The following EPSTI1 variants were observed in gnomAD, a reference collection of about 807,000 sequenced individuals.
The protein encoded by EPSTI1 is epithelial-stromal interaction protein 1.
In EPSTI1, 66 loss-of-function variants were observed where a neutral mutation model predicts 49.9. The ratio of observed to expected loss-of-function variants is 1.32; its 90% confidence interval spans 1.08 to 1.62. The LOEUF (loss-of-function observed/expected upper bound fraction) is 1.62, where lower values mean the gene tolerates loss of function less well. Among genes scored for constraint, EPSTI1 ranks in the 40% most tolerant of loss-of-function variants. The pLI, the probability that EPSTI1 is intolerant of heterozygous loss-of-function variation, is 0.00. For synonymous variants in EPSTI1, 137 were observed against 130.7 expected, an observed-to-expected ratio of 1.05 and a Z score of -0.33; for missense variants, 394 against 365.5, an observed-to-expected ratio of 1.08 and a Z score of -0.64.
intron 6 of EPSTI1, among the ~76,000 whole-genome samples, chr13:42,930,380 AAAG>A (rs1173960926): frequency 6.6e-6 from 1 of 152,238 alleles, no homozygotes; most frequent in African/African-American, 2.4e-5. Flanking sequence ...AGGACAATCT[AAAG>A]AAGTATTATT....
At chr13:42,900,612 G>A (rs1314777786) in intron 8 of EPSTI1, among the ~76,000 whole-genome samples, 1 of 151,550 alleles carries the variant, frequency 6.6e-6, no homozygotes, top group Non-Finnish European at 1.5e-5. Flanking sequence ...TAGATTAAAA[G>A]CCAGTGTGCA....
rs762512505 is a variant in EPSTI1, at chr13:42,922,719, T to A, written c.657+3617A>T. 1.3e-5 allele frequency among the ~76,000 whole-genome samples: 2 copies of A among 152,094 alleles called. No homozygotes were observed. Among genetic ancestry groups the A allele is most frequent in the African/African-American group, 4.8e-5 (2 of 41,408 alleles). ...GCAAAGGGACACATGTTAAGTACTTTATTTGACTTCTTAATGAATGAGCAT... is the reference window on the plus strand; with the variant it reads ...GCAAAGGGACACATGTTAAGTACTTAATTTGACTTCTTAATGAATGAGCAT... On this transcript the variant is annotated intron_variant, in intron 7 of 10. Transcript: ENST00000313624. This position sits in a 1 kb window ranked among gnomAD's most constrained non-coding sequence, Gnocchi z 4.8.
chr13:42,929,137 T>A lies in EPSTI1; in HGVS notation c.564-2708A>T, dbSNP rs576615791. Reference sequence around the variant, plus strand: ...AGCTCCTGGCATCCAGGAACTGATCTGATGCTCACGTCTAAATCTCAGTGT... The same window carrying A: ...AGCTCCTGGCATCCAGGAACTGATCAGATGCTCACGTCTAAATCTCAGTGT... On this transcript the variant is annotated intron_variant, in intron 6 of 10. Transcript: ENST00000313624. 6.6e-5 allele frequency among the ~76,000 whole-genome samples: 10 copies of A among 152,380 alleles called. No individual in the cohort carries two copies. In the South Asian group the frequency reaches 1.9e-3, roughly 28 times the overall value.
rs1442585253 is a variant in EPSTI1 at position 42,922,746 on chromosome 13, T to C, written c.657+3590A>G. Among the ~76,000 whole-genome samples the C allele has an allele frequency of 6.6e-6, 1 of 152,164 alleles. No individual in the cohort carries two copies. Among genetic ancestry groups the C allele is most frequent in the African/African-American group, 2.4e-5 (1 of 41,434 alleles). ...TTTGACTTCTTAATGAATGAGCATG[T>C]GACACGTAGATAAAAATTACAATAA... On this transcript the variant is annotated intron_variant, in intron 7 of 10. Transcript: ENST00000313624. The surrounding 1 kb of genome is among the most constrained non-coding windows in gnomAD (Gnocchi z 4.8).
At chr13:42,975,930 G>A (rs569068629) in intron 1 of EPSTI1, among the ~76,000 whole-genome samples, 5 of 152,302 alleles carry the variant, frequency 3.3e-5, no homozygotes, top group South Asian at 2.1e-4. Flanking sequence ...TGGGACCATC[G>A]TTGAGATGGA....
chr13:42,937,191 T>C (rs1310477031), intron 6 of EPSTI1, among the ~76,000 whole-genome samples: 1 of 149,924 alleles, frequency 6.7e-6, no homozygotes, highest in Non-Finnish European at 1.5e-5. Context: ...TTGAAAAATG[T>C]ACACTTTAAT....
At chr13:42,914,718 G>C (rs2153417133) in intron 8 of EPSTI1, among the ~76,000 whole-genome samples, 1 of 152,254 alleles carries the variant, frequency 6.6e-6, no homozygotes, top group East Asian at 1.9e-4. Flanking sequence ...ATCAAGGAAG[G>C]GGTTAGCTGG....
chr13:42,979,584 CAAA>C (rs144646467), intron 1 of EPSTI1, among the ~76,000 whole-genome samples: 2,109 of 80,968 alleles, frequency 0.026, 47 homozygotes, highest in African/African-American at 0.091. Flanking sequence ...GACTCCGTCT[CAAA>C]AAAAAAAAAA....
At chr13:42,974,657 T>C (rs1311590854) in intron 1 of EPSTI1, among the ~76,000 whole-genome samples, 8 of 122,366 alleles carry the variant, frequency 6.5e-5, no homozygotes, top group Non-Finnish European at 1.2e-4. Context: ...AGACTCCGTC[T>C]CAAAAAAAAA....
At chr13:42,947,419 A>C (rs1650908913) in intron 6 of EPSTI1, among the ~76,000 whole-genome samples, 1 of 152,164 alleles carries the variant, frequency 6.6e-6, no homozygotes, top group Non-Finnish European at 1.5e-5. Context: ...TCTAGCATGG[A>C]GCCTTCTTCT....
At chr13:42,919,204 A>C in intron 7 of EPSTI1, 1 of 1,112,060 alleles carries the variant, frequency 9.0e-7, no homozygotes, top group Non-Finnish European at 1.3e-6. Context: ...TTATTATTAA[A>C]TAAGGTGCCT....
In EPSTI1 at chr13:42,947,115, C is replaced by T. The variant is rs536605563; in HGVS notation, c.563+6833G>A. 8.8e-4 allele frequency among the ~76,000 whole-genome samples: 134 copies of T among 152,230 alleles called. 1 individual carries two copies. The highest frequency in any genetic ancestry group is 3.0e-3 in the African/African-American group (125 of 41,520). Reference sequence around the variant, plus strand: ...ACGGGCATAGACTCTTTCCACTTCCCCCTCCTCCCTCCTCCCCTGAAACAC... The same window carrying T: ...ACGGGCATAGACTCTTTCCACTTCCTCCTCCTCCCTCCTCCCCTGAAACAC... On this transcript the variant is annotated intron_variant, in intron 6 of 10. Coordinates refer to ENST00000313624, the MANE Select transcript of EPSTI1 (RefSeq NM_033255.5).
chr13:42,943,222 G>C (rs894967352), intron 6 of EPSTI1, among the ~76,000 whole-genome samples: 2 of 152,182 alleles, frequency 1.3e-5, no homozygotes, highest in Non-Finnish European at 2.9e-5. Context: ...TATTCCCCCA[G>C]GTATAGCATG....
intron 5 of EPSTI1, among the ~76,000 whole-genome samples, chr13:42,960,371 G>T (rs2039411217): frequency 1.3e-5 from 2 of 152,184 alleles, no homozygotes; most frequent in African/African-American, 2.4e-5. Flanking sequence ...TGAAATGCTT[G>T]CTGTGGGGAG....
chr13:42,973,472 A>G (rs962966912), intron 1 of EPSTI1, among the ~76,000 whole-genome samples: 1 of 152,248 alleles, frequency 6.6e-6, no homozygotes, highest in Non-Finnish European at 1.5e-5. Flanking sequence ...GAAACATGTT[A>G]TAATAGTCCC....
At chr13:42,968,314 T>G (rs1299917799) in intron 3 of EPSTI1, among the ~76,000 whole-genome samples, 1 of 151,714 alleles carries the variant, frequency 6.6e-6, no homozygotes, top group Non-Finnish European at 1.5e-5. Context: ...TATTTTTACC[T>G]ATGTTCTTGG....
At chr13:42,931,267 G>T (rs866636646) in intron 6 of EPSTI1, among the ~76,000 whole-genome samples, 2 of 137,222 alleles carry the variant, frequency 1.5e-5, no homozygotes, top group Non-Finnish European at 3.0e-5. Context: ...CTGCAGTGGC[G>T]CAATCTCGGC....
chr13:42,910,652 T>A (rs868839110), intron 8 of EPSTI1, among the ~76,000 whole-genome samples: 1 of 152,326 alleles, frequency 6.6e-6, no homozygotes, highest in Middle Eastern at 3.4e-3. Flanking sequence ...ACAACCTACT[T>A]CCAATAATTA....
chr13:42,928,024 G>A (rs547375508), intron 6 of EPSTI1, among the ~76,000 whole-genome samples: 3 of 152,250 alleles, frequency 2.0e-5, no homozygotes, highest in South Asian at 4.1e-4. Context: ...ACTGACTGCC[G>A]CTTCTTACCT....
Sources: allele counts gnomAD v4.1 joint callset (sites outside exome capture counted in the v4.1 genomes callset), GRCh38; gene constraint gnomAD v4.1.1; non-coding constraint Gnocchi (gnomAD v3.1); transcripts MANE v1.5; gene names NCBI Gene and HGNC (gene_info 2026-07-23, HGNC 2026-07-21).